TBK1: variants seen among roughly 807,000 people sequenced by gnomAD.
TBK1 encodes the protein serine/threonine-protein kinase TBK1.
TBK1 carries 37 observed loss-of-function variants against 99.9 expected under a neutral mutation model. The ratio of observed to expected loss-of-function variants is 0.37; its 90% CI spans 0.28 to 0.49. The LOEUF is 0.49. Ranked by LOEUF, TBK1 falls within the 20% of genes least tolerant of loss-of-function variation. The pLI is 0.98. For missense variants in TBK1, 644 were observed against 872.5 expected (o/e 0.74, Z 3.30); for synonymous variants, 258 against 279.8 (o/e 0.92, Z 0.78).
chr12:64,453,267 CAG>C (rs1429889224), intron 1 of TBK1, among the ~76,000 whole-genome samples: 1 of 152,146 alleles, frequency 6.6e-6, no homozygotes, highest in Admixed American at 6.5e-5. Context: ...GCATAGAGAA[CAG>C]ATATCTTAGC....
At chr12:64,462,257 C>A (rs1167066679) in intron 3 of TBK1, among the ~76,000 whole-genome samples, 1 of 152,190 alleles carries the variant, frequency 6.6e-6, no homozygotes, top group Non-Finnish European at 1.5e-5. Flanking sequence ...AGGGCAAAGC[C>A]TGACTTCTCT....
intron 6 of TBK1, among the ~76,000 whole-genome samples, chr12:64,475,096 C>T (rs978540208): frequency 9.2e-5 from 14 of 151,618 alleles, no homozygotes; most frequent in African/African-American, 1.5e-4. Flanking sequence ...CCAGCCTGGG[C>T]GACAGAGTGA....
intron 12 of TBK1, among the ~76,000 whole-genome samples, chr12:64,488,823 C>T (rs2040842673): frequency 6.6e-6 from 1 of 152,170 alleles, no homozygotes; most frequent in Non-Finnish European, 1.5e-5. Context: ...GAAACTCCGT[C>T]TCTACTAAAA....
intron 2 of TBK1, 147 bp downstream of exon 2, chr12:64,456,104 ATAG>A: frequency 1.5e-6 from 1 of 651,652 alleles, no homozygotes; most frequent in Non-Finnish European, 2.6e-6. Flanking sequence ...CATTTAAGGC[ATAG>A]CTGTGTCAGG....
intron 1 of TBK1, among the ~76,000 whole-genome samples, chr12:64,454,455 G>T (rs1166859006): frequency 6.6e-6 from 1 of 150,942 alleles, no homozygotes; most frequent in African/African-American, 2.4e-5. Flanking sequence ...CTCCATATTG[G>T]CCAGGCTGGT....
intron 20 of TBK1, among the ~76,000 whole-genome samples, chr12:64,500,130 T>C (rs1022028730): frequency 5.3e-5 from 8 of 152,176 alleles, no homozygotes; most frequent in Non-Finnish European, 1.2e-4. Context: ...ATAGGTGATA[T>C]AACATGGCAT....
At chr12:64,457,403 T>C (rs1317731323) in intron 2 of TBK1, among the ~76,000 whole-genome samples, 4 of 152,182 alleles carry the variant, frequency 2.6e-5, no homozygotes, top group Admixed American at 2.6e-4. Flanking sequence ...TTGCTTTTGT[T>C]TTATGCCAAG....
chr12:64,501,015 T>C (rs1303144763), intron 20 of TBK1, among the ~76,000 whole-genome samples: 1 of 152,136 alleles, frequency 6.6e-6, no homozygotes, highest in Non-Finnish European at 1.5e-5. Context: ...TGCCTCGGCC[T>C]CCCAAAGTGC....
At chr12:64,499,569 A>C (rs1241366309) in intron 20 of TBK1, among the ~76,000 whole-genome samples, 1 of 152,058 alleles carries the variant, frequency 6.6e-6, no homozygotes. Flanking sequence ...AACTTTAAAA[A>C]ATATTTTCCT....
chr12:64,495,948 C>T, intron 15 of TBK1, 173 bp downstream of exon 15: 1 of 550,028 alleles, frequency 1.8e-6, no homozygotes. Context: ...AAAAAACTAT[C>T]CTTAAAATCA....
intron 1 of TBK1, chr12:64,452,834 A>G (rs953532124): frequency 3.9e-5 from 6 of 152,194 alleles, no homozygotes; most frequent in Admixed American, 2.6e-4. Flanking sequence ...CTCTATCCCA[A>G]GTATTCTTAG....
chr12:64,460,115 G>A (rs909345682), intron 2 of TBK1, 74 bp from the exon 3 acceptor site: 10 of 1,001,544 alleles, frequency 1.0e-5, no homozygotes, highest in South Asian at 2.9e-5. Flanking sequence ...TTGCAATAGC[G>A]AGTTCTAATG....
In TBK1 at chr12:64,501,683, A is replaced by G. The variant is rs1868248281; in HGVS notation, c.*302A>G. On this transcript the variant is annotated 3_prime_UTR_variant, in exon 21 of 21. Coordinates refer to ENST00000331710, the MANE Select transcript of TBK1 (RefSeq NM_013254.4). ...GATCCTCTACTCTGAGTGGGGCTAAATAAGTTATTTTCTCTGACCGCCTAC... is the reference window on the plus strand; with the variant it reads ...GATCCTCTACTCTGAGTGGGGCTAAGTAAGTTATTTTCTCTGACCGCCTAC... 4.1e-6 allele frequency: 1 copy of G among 243,282 alleles called. No individual in the cohort carries two copies. Among genetic ancestry groups the G allele is most frequent in the Non-Finnish European group, 7.8e-6 (1 of 127,512 alleles). The allele number at this position is 243,282 out of a possible 1,614,324, so 15.1% of individuals were successfully genotyped here.
At chr12:64,488,684 T>G in intron 12 of TBK1, 96 bp downstream of exon 12, 3 of 864,360 alleles carry the variant, frequency 3.5e-6, no homozygotes, top group Non-Finnish European at 5.3e-6. Context: ...TATGGCATGC[T>G]ATGCTAGGGT....
intron 2 of TBK1, among the ~76,000 whole-genome samples, chr12:64,457,622 A>T (rs2040503366): frequency 6.6e-6 from 1 of 152,226 alleles, no homozygotes; most frequent in South Asian, 2.1e-4. Flanking sequence ...AAGATTGATT[A>T]GAAAGGAAGT....
At chr12:64,483,106 TTAA>T (rs1192564229) in intron 8 of TBK1, among the ~76,000 whole-genome samples, 7 of 152,228 alleles carry the variant, frequency 4.6e-5, no homozygotes, top group Non-Finnish European at 8.8e-5. Flanking sequence ...GTGATTATCG[TTAA>T]TAATAACTTA....
At chr12:64,490,896 T>G in intron 13 of TBK1, among the ~76,000 whole-genome samples, 1 of 118,680 alleles carries the variant, frequency 8.4e-6, no homozygotes, top group Non-Finnish European at 2.1e-5. Context: ...CATTCCATCC[T>G]GGGTGACAAG....
At chr12:64,475,408 G>A (rs1232349923) in intron 6 of TBK1, among the ~76,000 whole-genome samples, 1 of 152,126 alleles carries the variant, frequency 6.6e-6, no homozygotes, top group African/African-American at 2.4e-5. Flanking sequence ...GAAGTGTTCA[G>A]CCCTTGTCTC....
rs769351109 is a variant in TBK1 at position 64,484,399 on chromosome 12, T to C, written c.1089T>C (p.Pro363=). The C allele has an allele frequency of 6.2e-7, 1 of 1,614,122 alleles. No individual in the cohort carries two copies. Among genetic ancestry groups the C allele is most frequent in the Non-Finnish European group, 8.5e-7 (1 of 1,180,012 alleles). The change falls in exon 9 of 21, where the codon CCT becomes CCC. Residue 363 remains proline (P), a synonymous_variant. Coordinates refer to ENST00000331710, the MANE Select transcript of TBK1 (RefSeq NM_013254.4). ...IYEGRRLVLE[P]GRLAQHFPKT... is the part of the protein sequence containing the mutation. Reference sequence around the variant, plus strand: ...AAGGGCGACGCTTAGTCTTAGAACCTGGAAGGCTGGCACAACATTTCCCTA... The same window carrying C: ...AAGGGCGACGCTTAGTCTTAGAACCCGGAAGGCTGGCACAACATTTCCCTA...
Sources: allele counts gnomAD v4.1 joint callset (sites outside exome capture counted in the v4.1 genomes callset), GRCh38; gene constraint gnomAD v4.1.1; transcripts MANE v1.5; gene names NCBI Gene and HGNC (gene_info 2026-07-23, HGNC 2026-07-21).